Variants in MYLK observed in about 807,000 individuals in gnomAD.
MYLK encodes the protein myosin light chain kinase, smooth muscle.
MYLK carries 106 observed loss-of-function variants against 203.4 expected under a neutral mutation model. The ratio of observed to expected loss-of-function variants is 0.52; its 90% CI spans 0.45 to 0.61. The LOEUF is 0.61. Ranked by LOEUF, MYLK falls within the 20% of genes least tolerant of loss-of-function variation. The pLI is 0.00. For synonymous variants in MYLK, 867 were observed against 959.5 expected (o/e 0.90, Z 1.78); for missense variants, 2,072 against 2,442.3 (o/e 0.85, Z 3.20).
chr3:123,721,584 G>C (rs1378955287), intron 13 of MYLK, among the ~76,000 whole-genome samples: 1 of 152,046 alleles, frequency 6.6e-6, no homozygotes, highest in African/African-American at 2.4e-5. Flanking sequence ...TGAGTAGAAG[G>C]GGGGCAGAAA....
chr3:123,829,907 A>G (rs897682958), intron 3 of MYLK, among the ~76,000 whole-genome samples: 11 of 152,236 alleles, frequency 7.2e-5, no homozygotes, highest in East Asian at 1.9e-4. Context: ...CATGGCCCCA[A>G]TGATGCAAAG....
intron 3 of MYLK, among the ~76,000 whole-genome samples, chr3:123,804,735 G>A (rs751615515): frequency 3.3e-5 from 5 of 152,178 alleles, no homozygotes; most frequent in Non-Finnish European, 7.3e-5. Context: ...GCCCAGGCCT[G>A]GCTTCTAAAT....
In MYLK at chr3:123,703,109, G is replaced by C. The variant is rs540678754; in HGVS notation, c.2391-1600C>G. On this transcript the variant is annotated intron_variant, in intron 16 of 33. Transcript: ENST00000360304. Reference sequence around the variant, plus strand: ...ATATGAGTTACATCCACCTGGACAGGCATCTGAGCATGCGTTCTTGTGTAT... The same window carrying C: ...ATATGAGTTACATCCACCTGGACAGCCATCTGAGCATGCGTTCTTGTGTAT... Among the ~76,000 whole-genome samples, 6 of 152,314 alleles carry C rather than the reference G, an allele frequency of 3.9e-5. No homozygotes were observed. The South Asian group carries it at 1.2e-3, about 32-fold the overall frequency.
intron 27 of MYLK, among the ~76,000 whole-genome samples, chr3:123,643,744 A>G (rs2108141840): frequency 6.6e-6 from 1 of 152,316 alleles, no homozygotes; most frequent in Non-Finnish European, 1.5e-5. Flanking sequence ...CATCCCCCAA[A>G]CCCTAGACCT....
chr3:123,681,256 A>AT (rs2060253735), intron 20 of MYLK: 1 of 152,208 alleles, frequency 6.6e-6, no homozygotes, highest in East Asian at 1.9e-4. Flanking sequence ...GGGGAAGCTG[A>AT]GATCCAAAAA....
chr3:123,828,861 C>T (rs1423533777), intron 3 of MYLK, among the ~76,000 whole-genome samples: 2 of 152,142 alleles, frequency 1.3e-5, no homozygotes, highest in Admixed American at 1.3e-4. Flanking sequence ...CCCAACATCA[C>T]TAATCATCAG....
intron 3 of MYLK, among the ~76,000 whole-genome samples, chr3:123,821,617 G>A (rs1222109514): frequency 6.6e-6 from 1 of 152,120 alleles, no homozygotes; most frequent in Non-Finnish European, 1.5e-5. Flanking sequence ...TGTTGTAGGG[G>A]CTCAACTGCT....
chr3:123,827,041 T>G (rs1052828744), intron 3 of MYLK, among the ~76,000 whole-genome samples: 6 of 152,136 alleles, frequency 3.9e-5, no homozygotes, highest in Non-Finnish European at 7.4e-5. Context: ...CCAAGAAAGA[T>G]AGTAATTATC....
In MYLK at chr3:123,853,030, A is replaced by G. The variant is rs899055924; in HGVS notation, c.-126-21360T>C. 3.9e-5 allele frequency among the ~76,000 whole-genome samples: 6 copies of G among 152,162 alleles called. No homozygotes were observed. In the East Asian group the frequency reaches 1.2e-3, roughly 29 times the overall value. On this transcript the variant is annotated intron_variant, in intron 2 of 33. Transcript: ENST00000360304. ...TTTGTTAAGGCCTCTGAAGGATTTA[A>G]GAAAGTGCCTAGCACACCTTATCTT...
intron 3 of MYLK, among the ~76,000 whole-genome samples, chr3:123,816,632 A>G (rs562405888): frequency 2.0e-5 from 3 of 152,234 alleles, no homozygotes; most frequent in East Asian, 1.9e-4. Context: ...AAAGAGAGGG[A>G]AAAAAAACTA....
At chr3:123,825,084 G>A (rs1360650920) in intron 3 of MYLK, among the ~76,000 whole-genome samples, 1 of 151,024 alleles carries the variant, frequency 6.6e-6, no homozygotes. Context: ...GGTCGAGGCT[G>A]CAGTGAGCTA....
At chr3:123,669,476 A>AT (rs2059841568) in intron 20 of MYLK, among the ~76,000 whole-genome samples, 1 of 151,458 alleles carries the variant, frequency 6.6e-6, no homozygotes. Flanking sequence ...AACTGGCAAC[A>AT]TCTGAATAAG....
chr3:123,818,891 A>G (rs1346163214), intron 3 of MYLK, among the ~76,000 whole-genome samples: 3 of 152,204 alleles, frequency 2.0e-5, no homozygotes, highest in Non-Finnish European at 4.4e-5. Flanking sequence ...AGTTTTAGCT[A>G]CTTCTTAGCA....
intron 19 of MYLK, among the ~76,000 whole-genome samples, chr3:123,690,235 T>G (rs898548761): frequency 2.6e-5 from 4 of 152,210 alleles, no homozygotes; most frequent in African/African-American, 9.7e-5. Flanking sequence ...GGAGACAGGC[T>G]GGAAGAGCCC....
chr3:123,683,898 T>G (rs1037337249), intron 19 of MYLK, among the ~76,000 whole-genome samples: 10 of 152,292 alleles, frequency 6.6e-5, no homozygotes, highest in African/African-American at 2.4e-4. Flanking sequence ...CACTGCAAGC[T>G]GAACTCCTGC....
chr3:123,777,118 G>A (rs1389090179), intron 4 of MYLK, among the ~76,000 whole-genome samples: 2 of 152,202 alleles, frequency 1.3e-5, no homozygotes, highest in South Asian at 2.1e-4. Context: ...ATTTAGAGTG[G>A]TGCTGTGGAC....
In MYLK at chr3:123,779,984, G is replaced by A. The variant is rs1045394407; in HGVS notation, c.165+13693C>T. Among the ~76,000 whole-genome samples the A allele has an allele frequency of 3.3e-5, 5 of 152,130 alleles. No homozygotes were observed. In the East Asian group the frequency reaches 9.6e-4, roughly 29 times the overall value. ...AGTGTCTTGGTTTTCTCTGTCATCTGTTTATTGCATGAGTACAAACATCCT... is the reference window on the plus strand; with the variant it reads ...AGTGTCTTGGTTTTCTCTGTCATCTATTTATTGCATGAGTACAAACATCCT... On this transcript the variant is annotated intron_variant, in intron 4 of 33. Transcript: ENST00000360304.
At chr3:123,677,473 G>T (rs943156431) in intron 20 of MYLK, among the ~76,000 whole-genome samples, 2 of 152,154 alleles carry the variant, frequency 1.3e-5, no homozygotes, top group African/African-American at 4.8e-5. Context: ...TCCGACAGGA[G>T]TATTTCTGTC....
At chr3:123,880,914 G>A (rs1179837705) in intron 1 of MYLK, among the ~76,000 whole-genome samples, 2 of 152,176 alleles carry the variant, frequency 1.3e-5, no homozygotes, top group South Asian at 2.1e-4. Context: ...CAAGGAGGAG[G>A]GATGCACCTG....
Sources: allele counts gnomAD v4.1 joint callset (sites outside exome capture counted in the v4.1 genomes callset), GRCh38; gene constraint gnomAD v4.1.1; transcripts MANE v1.5; gene names NCBI Gene and HGNC (gene_info 2026-07-23, HGNC 2026-07-21).